Variants in DLG2 observed in about 807,000 individuals in gnomAD.
DLG2 encodes the protein discs large MAGUK scaffold protein 2.
Under a neutral mutation model 132.5 loss-of-function variants are expected in DLG2, and 45 were observed. The observed-to-expected ratio is 0.34, with a 90% CI of 0.27 to 0.44. The LOEUF is 0.44. DLG2 is among the 20% of genes least tolerant of loss of function. The pLI is 1.00. For synonymous variants in DLG2, 424 were observed against 419.6 expected (o/e 1.01, Z -0.13); for missense variants, 1,045 against 1,196.9 (o/e 0.87, Z 1.87).
chr11:84,713,261 A>C (rs368072390), intron 6 of DLG2, among the ~76,000 whole-genome samples: 1 of 152,130 alleles, frequency 6.6e-6, no homozygotes, highest in East Asian at 1.9e-4. Flanking sequence ...TTTAAGAGTG[A>C]TATGACTTTG....
chr11:85,018,933 C>G (rs557566280), intron 6 of DLG2, among the ~76,000 whole-genome samples: 1 of 152,056 alleles, frequency 6.6e-6, no homozygotes, highest in Admixed American at 6.6e-5. Flanking sequence ...AACACTTTTT[C>G]TAGAGGATGC....
intron 16 of DLG2, among the ~76,000 whole-genome samples, chr11:83,869,156 T>C (rs564604391): frequency 6.6e-5 from 10 of 152,290 alleles, no homozygotes; most frequent in African/African-American, 2.4e-4. Flanking sequence ...CTGGGTTCTA[T>C]GTACTGATTC....
At chr11:85,471,884 C>T (rs867758445) in intron 3 of DLG2, among the ~76,000 whole-genome samples, 1 of 151,854 alleles carries the variant, frequency 6.6e-6, no homozygotes, top group Non-Finnish European at 1.5e-5. Context: ...ATCCTAGACA[C>T]CAATGACAAA....
intron 6 of DLG2, among the ~76,000 whole-genome samples, chr11:84,756,582 T>C (rs1477099542): frequency 2.0e-5 from 3 of 152,176 alleles, no homozygotes; most frequent in Non-Finnish European, 2.9e-5. Flanking sequence ...CCTTAGAAGG[T>C]TGTTAAGAGA....
At chr11:83,760,815 A>G (rs1252362669) in intron 18 of DLG2, among the ~76,000 whole-genome samples, 2 of 152,168 alleles carry the variant, frequency 1.3e-5, no homozygotes. Flanking sequence ...TGCCTAGACA[A>G]CTGTAGCAGC....
chr11:83,584,159 G>A (rs1320828160), intron 19 of DLG2, among the ~76,000 whole-genome samples: 1 of 152,148 alleles, frequency 6.6e-6, no homozygotes, highest in African/African-American at 2.4e-5. Context: ...CTTTTGTACT[G>A]AGTCACTTGT....
chr11:85,066,957 A>C (rs2065020090), intron 6 of DLG2, among the ~76,000 whole-genome samples: 1 of 151,776 alleles, frequency 6.6e-6, no homozygotes, highest in African/African-American at 2.4e-5. Context: ...GAAGAAATAA[A>C]AGGGATCCAA....
chr11:84,097,435 C>T (rs1595167979), intron 10 of DLG2, among the ~76,000 whole-genome samples: 1 of 152,278 alleles, frequency 6.6e-6, no homozygotes, highest in Non-Finnish European at 1.5e-5. Flanking sequence ...CGTTTTCTCT[C>T]AGTAATTTTC....
chr11:84,841,610 C>G (rs893547410), intron 6 of DLG2, among the ~76,000 whole-genome samples: 45 of 151,890 alleles, frequency 3.0e-4, no homozygotes, highest in African/African-American at 1.1e-3. Context: ...AATATTTATT[C>G]TATGAACAAA....
At chr11:84,668,687 T>A (rs980324317) in intron 6 of DLG2, among the ~76,000 whole-genome samples, 1 of 152,266 alleles carries the variant, frequency 6.6e-6, no homozygotes, top group Middle Eastern at 3.4e-3. Context: ...TCTAGAGCAA[T>A]AATATTTTAT....
chr11:85,283,677 TAAGTA>T (rs1404465266), intron 4 of DLG2, among the ~76,000 whole-genome samples: 2 of 151,848 alleles, frequency 1.3e-5, no homozygotes, highest in Non-Finnish European at 2.9e-5. Flanking sequence ...TATAAAGCAT[TAAGTA>T]AAACATCTTA....
chr11:83,661,071 T>C (rs539653844), intron 18 of DLG2, among the ~76,000 whole-genome samples: 34 of 152,158 alleles, frequency 2.2e-4, no homozygotes, highest in Non-Finnish European at 3.7e-4. Flanking sequence ...TTGCTCTGCT[T>C]GTAGTAACAG....
At chr11:83,926,130 C>G (rs142112021) in intron 15 of DLG2, among the ~76,000 whole-genome samples, 385 of 150,844 alleles carry the variant, frequency 2.6e-3, no homozygotes, top group Middle Eastern at 0.01. Flanking sequence ...AACGGTCTTA[C>G]AGAAGTAAAT....
intron 14 of DLG2, among the ~76,000 whole-genome samples, chr11:83,932,556 G>A (rs900887759): frequency 9.2e-5 from 14 of 152,158 alleles, no homozygotes; most frequent in Non-Finnish European, 1.3e-4. Flanking sequence ...TTATTACAGC[G>A]CTAGGATTCT....
At chr11:83,567,233 C>T (rs1456670240) in intron 19 of DLG2, among the ~76,000 whole-genome samples, 1 of 152,124 alleles carries the variant, frequency 6.6e-6, no homozygotes, top group African/African-American at 2.4e-5. Flanking sequence ...AGATCCCAAG[C>T]TATAATATTT....
chr11:85,059,091 T>A (rs2063757333), intron 6 of DLG2, among the ~76,000 whole-genome samples: 1 of 151,414 alleles, frequency 6.6e-6, no homozygotes. Flanking sequence ...AAATAAAATG[T>A]TTGGAATACA....
At chr11:84,354,602 T>C (rs2098599845) in intron 7 of DLG2, among the ~76,000 whole-genome samples, 1 of 152,118 alleles carries the variant, frequency 6.6e-6, no homozygotes. Flanking sequence ...TCCTTAGAAG[T>C]GTTGCCTTTA....
In DLG2 at chr11:85,360,217, C is replaced by T. The variant is rs187922829; in HGVS notation, c.41-74852G>A. Among the ~76,000 whole-genome samples, 10 of 152,246 alleles carry T rather than the reference C, an allele frequency of 6.6e-5. No homozygotes were observed. In the East Asian group the frequency reaches 7.7e-4, roughly 12 times the overall value. On this transcript the variant is annotated intron_variant, in intron 3 of 27. Transcript: ENST00000376104. ...AAACAAGGGTTTTAAAATAAAAGTA[C>T]GCAATACACTGTAACAACTGAGAAT...
intron 6 of DLG2, among the ~76,000 whole-genome samples, chr11:84,576,882 T>G (rs2154528523): frequency 6.6e-6 from 1 of 152,284 alleles, no homozygotes; most frequent in Non-Finnish European, 1.5e-5. Flanking sequence ...TTATTAGTTT[T>G]CATATATACT....
Sources: gnomAD v4.1 joint callset for allele counts (sites outside exome capture counted in the v4.1 genomes callset) on GRCh38, gnomAD v4.1.1 for gene constraint, MANE v1.5 for transcripts, NCBI Gene and HGNC (gene_info 2026-07-23, HGNC 2026-07-21) for gene names.